Variants in LRMDA observed in about 807,000 individuals in gnomAD.
The protein encoded by LRMDA is leucine rich melanocyte differentiation associated, also known as leucine-rich melanocyte differentiation-associated protein.
Under a neutral mutation model 29.8 loss-of-function variants are expected in LRMDA, and 18 were observed. The observed-to-expected ratio is 0.60, with a 90% CI of 0.42 to 0.90. The LOEUF is 0.90. LRMDA is among the 40% of genes least tolerant of loss of function. The probability of loss-of-function intolerance (pLI) is 0.00; values close to 1 mark genes in which losing one functional copy is unlikely to be tolerated. For synonymous variants in LRMDA, 125 were observed against 109.4 expected, an observed-to-expected ratio of 1.14 and a Z score of -0.89; for missense variants, 273 against 273.9, an observed-to-expected ratio of 1.00 and a Z score of 0.02.
intron 2 of LRMDA, among the ~76,000 whole-genome samples, chr10:75,506,903 G>A (rs1845174442): frequency 6.6e-6 from 1 of 152,174 alleles, no homozygotes; most frequent in Admixed American, 6.5e-5. Context: ...CAATGGCAGA[G>A]GAAGTTCCTG....
intron 2 of LRMDA, among the ~76,000 whole-genome samples, chr10:76,013,685 G>A (rs570598652): frequency 6.6e-6 from 1 of 152,096 alleles, no homozygotes; most frequent in South Asian, 2.1e-4. Context: ...TGGGGGGGAA[G>A]GCCGAGGAAG....
intron 2 of LRMDA, among the ~76,000 whole-genome samples, chr10:75,865,865 T>C (rs1845009718): frequency 6.6e-6 from 1 of 152,216 alleles, no homozygotes. Flanking sequence ...AAAAAAGCAA[T>C]GAAAACTAAT....
chr10:76,492,288 G>C (rs1417738862), intron 6 of LRMDA, among the ~76,000 whole-genome samples: 1 of 151,992 alleles, frequency 6.6e-6, no homozygotes, highest in Non-Finnish European at 1.5e-5. Context: ...TCAAGTAGTA[G>C]ATATTTATTA....
chr10:76,160,973 C>T (rs1352761088), intron 5 of LRMDA, among the ~76,000 whole-genome samples: 26 of 152,078 alleles, frequency 1.7e-4, no homozygotes, highest in Non-Finnish European at 3.4e-4. Context: ...GAAACACCCG[C>T]AAGCAACCGC....
At chr10:76,487,245 T>A (rs1842791185) in intron 6 of LRMDA, among the ~76,000 whole-genome samples, 1 of 151,910 alleles carries the variant, frequency 6.6e-6, no homozygotes, top group Non-Finnish European at 1.5e-5. Flanking sequence ...ATTTAAGACA[T>A]TACTTTTAGA....
At chr10:76,330,062 T>A (rs950882813) in intron 6 of LRMDA, among the ~76,000 whole-genome samples, 22 of 152,178 alleles carry the variant, frequency 1.4e-4, no homozygotes, top group African/African-American at 5.3e-4. Flanking sequence ...CCAACAAGCA[T>A]AATGCTTTCA....
intron 5 of LRMDA, among the ~76,000 whole-genome samples, chr10:76,206,037 G>A (rs1021811315): frequency 2.0e-5 from 3 of 152,136 alleles, no homozygotes; most frequent in African/African-American, 7.2e-5. Flanking sequence ...CATCCACTGG[G>A]ACGATGAAAG....
chr10:75,799,772 C>T (rs538957683), intron 2 of LRMDA, among the ~76,000 whole-genome samples: 1 of 151,290 alleles, frequency 6.6e-6, no homozygotes, highest in South Asian at 2.1e-4. Flanking sequence ...TCTTGAACTC[C>T]TGGCCTCAAG....
chr10:75,813,538 A>T (rs571222710), intron 2 of LRMDA, among the ~76,000 whole-genome samples: 14 of 152,108 alleles, frequency 9.2e-5, no homozygotes, highest in Non-Finnish European at 1.9e-4. Context: ...GTCTCCTTTC[A>T]TTTTTTCCGA....
intron 2 of LRMDA, among the ~76,000 whole-genome samples, chr10:75,856,903 C>T (rs1262902965): frequency 6.6e-6 from 1 of 152,168 alleles, no homozygotes; most frequent in African/African-American, 2.4e-5. Flanking sequence ...TCCCTGTTTG[C>T]AGATGACATG....
chr10:76,534,420 C>T (rs776391335), intron 6 of LRMDA, among the ~76,000 whole-genome samples: 11 of 152,124 alleles, frequency 7.2e-5, no homozygotes, highest in Admixed American at 1.3e-4. Flanking sequence ...ATGGCTGTGC[C>T]TCTTCCACAT....
intron 2 of LRMDA, among the ~76,000 whole-genome samples, chr10:75,768,099 G>A (rs1450168185): frequency 1.3e-5 from 2 of 152,218 alleles, no homozygotes; most frequent in Non-Finnish European, 2.9e-5. Flanking sequence ...CTCCAGGACT[G>A]TGGGGAAATG....
intron 5 of LRMDA, among the ~76,000 whole-genome samples, chr10:76,158,264 C>T (rs1438817459): frequency 6.6e-6 from 1 of 152,126 alleles, no homozygotes; most frequent in Non-Finnish European, 1.5e-5. Context: ...CCTTTTCCTA[C>T]CCCCTTTGCC....
intron 6 of LRMDA, among the ~76,000 whole-genome samples, chr10:76,343,946 T>C (rs1238768500): frequency 6.6e-6 from 1 of 151,744 alleles, no homozygotes; most frequent in Non-Finnish European, 1.5e-5. Context: ...GTCTCCTGAG[T>C]AGCTGGGATT....
At chr10:75,505,351 C>T (rs533532343) in intron 2 of LRMDA, among the ~76,000 whole-genome samples, 12 of 152,188 alleles carry the variant, frequency 7.9e-5, no homozygotes, top group African/African-American at 2.6e-4. Flanking sequence ...CTAGATTTTT[C>T]CCTTCAAGGT....
chr10:75,938,577 A>G (rs77930527), intron 2 of LRMDA, among the ~76,000 whole-genome samples: 1 of 152,132 alleles, frequency 6.6e-6, no homozygotes, highest in South Asian at 2.1e-4. Context: ...CCTTCCCCCT[A>G]CCTCTGGAAC....
At chr10:76,280,710 T>C (rs1036898531) in intron 5 of LRMDA, among the ~76,000 whole-genome samples, 4 of 152,070 alleles carry the variant, frequency 2.6e-5, no homozygotes, top group African/African-American at 9.7e-5. Flanking sequence ...ATATTGATTA[T>C]CATGGTACAG....
chr10:76,416,495 A>T (rs1459606343), intron 6 of LRMDA, among the ~76,000 whole-genome samples: 3 of 152,222 alleles, frequency 2.0e-5, no homozygotes, highest in African/African-American at 7.2e-5. Context: ...CAGGTTAGTT[A>T]TGAAATTCAA....
chr10:75,897,141 T>C (rs1190745227), intron 2 of LRMDA, among the ~76,000 whole-genome samples: 3 of 152,188 alleles, frequency 2.0e-5, no homozygotes, highest in Non-Finnish European at 4.4e-5. Context: ...TCTTCCGCCA[T>C]GTATAATAGC....
Sources: allele counts gnomAD v4.1 joint callset (sites outside exome capture counted in the v4.1 genomes callset), GRCh38; gene constraint gnomAD v4.1.1; transcripts MANE v1.5; gene names NCBI Gene and HGNC (gene_info 2026-07-23, HGNC 2026-07-21).